SLFN12L: variants seen among roughly 807,000 people sequenced by gnomAD.
The protein encoded by SLFN12L is schlafen family member 12 like.
In SLFN12L, 34 loss-of-function variants were observed where a neutral mutation model predicts 34.8. The ratio of observed to expected loss-of-function variants is 0.98; its 90% confidence interval spans 0.74 to 1.30. The LOEUF (loss-of-function observed/expected upper bound fraction) is 1.30. Ranked by LOEUF, SLFN12L falls within the 50% of genes most tolerant of loss-of-function variation. SLFN12L has a pLI of 0.00. For synonymous variants in SLFN12L, 259 were observed against 247.5 expected, an observed-to-expected ratio of 1.05 and a Z score of -0.44; for missense variants, 703 against 696.2, an observed-to-expected ratio of 1.01 and a Z score of -0.11.
chr17:35,475,778 T>C (rs538929270), intron 4 of SLFN12L, among the ~76,000 whole-genome samples: 2 of 151,984 alleles, frequency 1.3e-5, no homozygotes, highest in East Asian at 1.9e-4. Context: ...TGCATGCTGG[T>C]AGTCCCAGCT....
At chr17:35,490,662 G>A (rs888607034) in intron 2 of SLFN12L, 3 of 988,228 alleles carry the variant, frequency 3.0e-6, no homozygotes, top group Non-Finnish European at 4.9e-6. Flanking sequence ...CAAGCTGCAC[G>A]CTGGACCTCA....
At chr17:35,492,986 C>T (rs1484794788) in intron 2 of SLFN12L, among the ~76,000 whole-genome samples, 1 of 149,910 alleles carries the variant, frequency 6.7e-6, no homozygotes, top group Non-Finnish European at 1.5e-5. Context: ...CACACACAAG[C>T]AAAAAACCAC....
intron 2 of SLFN12L, among the ~76,000 whole-genome samples, chr17:35,512,807 A>T (rs114914313): frequency 0.01 from 1,557 of 152,356 alleles, 34 homozygotes; most frequent in African/African-American, 0.035. Flanking sequence ...CAGGCATTAG[A>T]CCAAAGCCAA....
chr17:35,531,402 C>A (rs1200009828), intron 1 of SLFN12L, among the ~76,000 whole-genome samples: 3 of 152,116 alleles, frequency 2.0e-5, no homozygotes, highest in Non-Finnish European at 4.4e-5. Flanking sequence ...CTGATACGTG[C>A]CTTGTAATAA....
intron 1 of SLFN12L, among the ~76,000 whole-genome samples, chr17:35,535,563 T>C (rs1231906803): frequency 6.6e-6 from 1 of 151,260 alleles, no homozygotes; most frequent in Non-Finnish European, 1.5e-5. Context: ...CATAGCTCAC[T>C]GCAGCCTTCA....
chr17:35,522,544 A>G lies in SLFN12L; in HGVS notation c.-180T>C. 7 of 1,611,374 alleles carry G rather than the reference A, an allele frequency of 4.3e-6. No homozygotes were observed. The highest frequency in any genetic ancestry group is 5.9e-6 in the Non-Finnish European group (7 of 1,178,640). The stretch of plus-strand genomic sequence containing the variant: ...AAGCCGAGCAAGACAATCACGAGGG[A>G]CTGCAGCAGGGCTTCCAATGTGCTG... On this transcript the variant is annotated 5_prime_UTR_variant, in exon 2 of 5. Transcript: ENST00000628453.
chr17:35,485,684 T>C (rs1914551957), intron 2 of SLFN12L, among the ~76,000 whole-genome samples: 1 of 152,254 alleles, frequency 6.6e-6, no homozygotes, highest in Non-Finnish European at 1.5e-5. Context: ...AGTTAATTTT[T>C]GTATATGGTG....
At position 35,465,023 on chromosome 17, in the gene SLFN12L, C is replaced by A. The variant is rs750747147; in HGVS notation, c.*9900G>T. ...TCCCAAGTAGCTGGGACTACGGGAG[C>A]ACACCACCACATCCAGCTAATTTTT... On this transcript the variant is annotated 3_prime_UTR_variant, in exon 5 of 5. Coordinates refer to ENST00000628453, the MANE Select transcript of SLFN12L (RefSeq NM_001363830.2). Among the ~76,000 whole-genome samples the A allele has an allele frequency of 3.9e-5, 6 of 152,124 alleles. No individual in the cohort carries two copies. Among genetic ancestry groups the A allele is most frequent in the African/African-American group, 7.2e-5 (3 of 41,422 alleles).
intron 2 of SLFN12L, among the ~76,000 whole-genome samples, chr17:35,489,128 AC>A (rs529658872): frequency 3.1e-4 from 47 of 152,220 alleles, no homozygotes; most frequent in African/African-American, 1.1e-3. Flanking sequence ...TCTGATTCTC[AC>A]GCCAGCTCTA....
intron 2 of SLFN12L, chr17:35,487,605 C>T: frequency 9.3e-7 from 1 of 1,075,532 alleles, no homozygotes; most frequent in Non-Finnish European, 1.3e-6. Flanking sequence ...CCTTAAGCAA[C>T]TGAAAGTTAA....
chr17:35,497,159 AGCGG>A (rs997086964), intron 2 of SLFN12L, among the ~76,000 whole-genome samples: 1 of 152,158 alleles, frequency 6.6e-6, no homozygotes, highest in Non-Finnish European at 1.5e-5. Context: ...GGGAGGCCGA[AGCGG>A]GCGGATCACC....
chr17:35,478,992 G>C, intron 3 of SLFN12L, 125 bp downstream of exon 3: 1 of 690,706 alleles, frequency 1.4e-6, no homozygotes, highest in East Asian at 2.7e-5. Context: ...GGAAGTATTG[G>C]TTGTATCCAC....
intron 4 of SLFN12L, among the ~76,000 whole-genome samples, chr17:35,476,510 GA>G (rs1914025803): frequency 7.0e-6 from 1 of 143,846 alleles, no homozygotes; most frequent in African/African-American, 2.7e-5. Flanking sequence ...AGGAAGGAAG[GA>G]AGGAAGGAAA....
At chr17:35,504,567 G>A (rs1915405583) in intron 2 of SLFN12L, among the ~76,000 whole-genome samples, 1 of 152,180 alleles carries the variant, frequency 6.6e-6, no homozygotes, top group African/African-American at 2.4e-5. Flanking sequence ...CTTTCCACTG[G>A]GGTGGTCCTC....
At chr17:35,493,746 G>A (rs1008863372) in intron 2 of SLFN12L, among the ~76,000 whole-genome samples, 4 of 152,172 alleles carry the variant, frequency 2.6e-5, no homozygotes, top group African/African-American at 7.2e-5. Flanking sequence ...GTTGTGCATA[G>A]CAATCATTTT....
intron 4 of SLFN12L, among the ~76,000 whole-genome samples, chr17:35,476,509 GGAAGGAA>G (rs1914025332): frequency 7.5e-6 from 1 of 133,788 alleles, no homozygotes; most frequent in Non-Finnish European, 1.6e-5. Flanking sequence ...AAGGAAGGAA[GGAAGGAA>G]GGAAAGAAGG....
At chr17:35,532,808 A>G (rs974087524) in intron 1 of SLFN12L, among the ~76,000 whole-genome samples, 3 of 151,974 alleles carry the variant, frequency 2.0e-5, no homozygotes, top group South Asian at 2.1e-4. Context: ...CAGGAGAATC[A>G]CTAGAACCCA....
intron 2 of SLFN12L, among the ~76,000 whole-genome samples, chr17:35,508,185 C>T (rs1378754613): frequency 6.6e-6 from 1 of 152,214 alleles, no homozygotes; most frequent in African/African-American, 2.4e-5. Context: ...CTTGCTCAAT[C>T]AATCACGACC....
At chr17:35,525,926 G>T (rs1215208436) in intron 1 of SLFN12L, among the ~76,000 whole-genome samples, 1 of 152,134 alleles carries the variant, frequency 6.6e-6, no homozygotes, top group Non-Finnish European at 1.5e-5. Context: ...TTGGATAAAA[G>T]AGTCAAGACC....
Sources: gnomAD v4.1 joint callset for allele counts (sites outside exome capture counted in the v4.1 genomes callset) on GRCh38, gnomAD v4.1.1 for gene constraint, MANE v1.5 for transcripts, NCBI Gene and HGNC (gene_info 2026-07-23, HGNC 2026-07-21) for gene names.